Variants in EYS observed in about 807,000 individuals in gnomAD.
EYS encodes the protein EGF-like photoreceptor maintenance factor, also known as protein eyes shut homolog.
A neutral mutation model predicts 282.1 loss-of-function variants in EYS; 250 were observed. The observed-to-expected ratio is 0.89, with a 90% CI of 0.80 to 0.98. The LOEUF is 0.98. Ranked by LOEUF, EYS falls within the 50% of genes least tolerant of loss-of-function variation. The probability of loss-of-function intolerance (pLI) is 0.00; values close to 1 mark genes in which losing one functional copy is unlikely to be tolerated. For synonymous variants in EYS, 1,355 were observed against 1,282.9 expected (o/e 1.06, Z -1.20); for missense variants, 4,016 against 3,709.0 (o/e 1.08, Z -2.15).
chr6:64,437,455 C>T (rs528244439), intron 27 of EYS, among the ~76,000 whole-genome samples: 2 of 151,692 alleles, frequency 1.3e-5, no homozygotes, highest in South Asian at 4.1e-4. Flanking sequence ...AATAATTTGT[C>T]AATCTCCATC....
chr6:65,536,302 T>C (rs1418267173), intron 2 of EYS, among the ~76,000 whole-genome samples: 1 of 149,650 alleles, frequency 6.7e-6, no homozygotes, highest in Non-Finnish European at 1.5e-5. Context: ...ATAGGGCAAG[T>C]GGTTGAGAAG....
rs1444582890 is a variant in EYS at position 65,278,976 on chromosome 6, G to A, written c.2023+16887C>T. Among the ~76,000 whole-genome samples, 7 of 152,044 alleles carry A rather than the reference G, an allele frequency of 4.6e-5. 1 individual carries two copies. Among genetic ancestry groups the A allele is most frequent in the Admixed American group, 4.6e-4 (7 of 15,258 alleles). On this transcript the variant is annotated intron_variant, in intron 12 of 42. Coordinates refer to ENST00000503581, the MANE Select transcript of EYS (RefSeq NM_001142800.2). ...GGCCAAGGTGGGCAGATCACCTGAGGTCAGGAGTTTGAGAACAGGCTGGCC... is the reference window on the plus strand; with the variant it reads ...GGCCAAGGTGGGCAGATCACCTGAGATCAGGAGTTTGAGAACAGGCTGGCC...
At chr6:63,769,492 A>C (rs997380733) in intron 40 of EYS, among the ~76,000 whole-genome samples, 2 of 152,106 alleles carry the variant, frequency 1.3e-5, no homozygotes, top group African/African-American at 4.8e-5. Context: ...CCATTCAAAA[A>C]ATGTTATGTA....
chr6:64,932,962 T>G (rs1159290948), intron 15 of EYS, among the ~76,000 whole-genome samples: 3 of 152,078 alleles, frequency 2.0e-5, no homozygotes, highest in African/African-American at 7.2e-5. Context: ...TGTACCAAGT[T>G]ATGCTATTTA....
intron 11 of EYS, among the ~76,000 whole-genome samples, chr6:65,314,561 GGTGTGTGTGTGTGTGTGTGTGTGT>G (rs4032795): frequency 1.9e-5 from 2 of 106,338 alleles, no homozygotes; most frequent in East Asian, 2.8e-4. Context: ...TTCCCCTTAT[GGTGTGTGTGTGTGTGTGTGTGTGT>G]GTGTGTGTGT....
chr6:64,504,077 A>G (rs1414080134), intron 26 of EYS, among the ~76,000 whole-genome samples: 1 of 152,168 alleles, frequency 6.6e-6, no homozygotes, highest in Non-Finnish European at 1.5e-5. Flanking sequence ...TATTTTCTTC[A>G]TAAATTACAC....
intron 2 of EYS, among the ~76,000 whole-genome samples, chr6:65,515,865 A>G (rs900232612): frequency 6.6e-5 from 10 of 151,202 alleles, no homozygotes; most frequent in Non-Finnish European, 1.2e-4. Flanking sequence ...CGGGTGCAGC[A>G]CACCAGCATG....
At chr6:65,089,988 CACACACACACACACACACAA>C (rs1774507978) in intron 12 of EYS, among the ~76,000 whole-genome samples, 1 of 147,504 alleles carries the variant, frequency 6.8e-6, no homozygotes, top group South Asian at 2.2e-4. Context: ...TAAATACACA[CACACACACACACACACACAA>C]ACACACACAC....
At chr6:64,491,923 C>T (rs1416739077) in intron 26 of EYS, among the ~76,000 whole-genome samples, 2 of 151,166 alleles carry the variant, frequency 1.3e-5, no homozygotes, top group Non-Finnish European at 3.0e-5. Context: ...GTTCTAAACA[C>T]TTTACATATA....
chr6:64,495,861 T>G (rs1776873106), intron 26 of EYS, among the ~76,000 whole-genome samples: 1 of 151,916 alleles, frequency 6.6e-6, no homozygotes, highest in African/African-American at 2.4e-5. Context: ...GAAGATTTAA[T>G]AATATATTTT....
intron 2 of EYS, among the ~76,000 whole-genome samples, chr6:65,603,603 C>T (rs1214059971): frequency 6.6e-6 from 1 of 151,822 alleles, no homozygotes; most frequent in Non-Finnish European, 1.5e-5. Context: ...CTTTATAATA[C>T]ATATCACACT....
chr6:65,237,256 A>C (rs150289298), intron 12 of EYS, among the ~76,000 whole-genome samples: 258 of 152,320 alleles, frequency 1.7e-3, no homozygotes, highest in African/African-American at 5.8e-3. Flanking sequence ...GATACTATTC[A>C]AACATATACA....
chr6:65,171,073 T>G (rs73441312), intron 12 of EYS, among the ~76,000 whole-genome samples: 5,884 of 151,614 alleles, frequency 0.039, 190 homozygotes, highest in African/African-American at 0.089. Context: ...GAATAGAAGC[T>G]GCACAGCCTG....
chr6:64,144,198 A>G (rs1426239597), intron 31 of EYS, among the ~76,000 whole-genome samples: 1 of 152,214 alleles, frequency 6.6e-6, no homozygotes, highest in African/African-American at 2.4e-5. Context: ...TTATAGGTCT[A>G]GAATTATGCC....
intron 28 of EYS, among the ~76,000 whole-genome samples, chr6:64,408,914 C>A (rs1773803709): frequency 6.6e-6 from 1 of 152,100 alleles, no homozygotes; most frequent in South Asian, 2.1e-4. Context: ...ATCATACAAA[C>A]CAATAGGAAG....
chr6:65,476,980 A>T (rs1765434321), intron 5 of EYS, among the ~76,000 whole-genome samples: 1 of 152,208 alleles, frequency 6.6e-6, no homozygotes, highest in African/African-American at 2.4e-5. Context: ...ATTCATGCTA[A>T]TCAAATCAAC....
intron 40 of EYS, among the ~76,000 whole-genome samples, chr6:63,777,335 G>A (rs1214050379): frequency 6.6e-6 from 1 of 152,078 alleles, no homozygotes; most frequent in African/African-American, 2.4e-5. Context: ...GGTGTTCCTG[G>A]TGAACACTGT....
chr6:65,221,174 C>A (rs767296361), intron 12 of EYS, among the ~76,000 whole-genome samples: 3 of 152,136 alleles, frequency 2.0e-5, no homozygotes, highest in Non-Finnish European at 4.4e-5. Context: ...AAGAATAACC[C>A]ATTTTCTGAG....
At chr6:63,934,391 A>G (rs1299865187) in intron 35 of EYS, among the ~76,000 whole-genome samples, 1 of 152,054 alleles carries the variant, frequency 6.6e-6, no homozygotes, top group Admixed American at 6.5e-5. Flanking sequence ...CAACCATCCC[A>G]TTACTGGGTA....
Sources: allele counts gnomAD v4.1 joint callset (sites outside exome capture counted in the v4.1 genomes callset), GRCh38; gene constraint gnomAD v4.1.1; transcripts MANE v1.5; gene names NCBI Gene and HGNC (gene_info 2026-07-23, HGNC 2026-07-21).